WDR93: variants seen among roughly 807,000 people sequenced by gnomAD.
WDR93 encodes WD repeat domain 93.
In WDR93, 73 loss-of-function variants were observed where a neutral mutation model predicts 82.9. The ratio of observed to expected loss-of-function variants is 0.88; its 90% CI spans 0.73 to 1.07. The LOEUF is 1.07. Among genes scored for constraint, WDR93 ranks in the 50% least tolerant of loss-of-function variants. WDR93 has a pLI of 0.00. For synonymous variants in WDR93, 283 were observed against 300.1 expected, an observed-to-expected ratio of 0.94 and a Z score of 0.59; for missense variants, 738 against 826.0, an observed-to-expected ratio of 0.89 and a Z score of 1.31.
At chr15:89,727,552 C>A (rs1016076027) in intron 9 of WDR93, among the ~76,000 whole-genome samples, 2 of 152,120 alleles carry the variant, frequency 1.3e-5, no homozygotes, top group Non-Finnish European at 1.5e-5. Flanking sequence ...ATGTCGAGAC[C>A]TTATCTCTAA....
intron 16 of WDR93, among the ~76,000 whole-genome samples, chr15:89,740,388 A>G (rs948917797): frequency 6.6e-6 from 1 of 152,172 alleles, no homozygotes; most frequent in African/African-American, 2.4e-5. Flanking sequence ...ATATGGTCTC[A>G]TGAGTCTCTG....
intron 6 of WDR93, 42 bp downstream of exon 6, chr15:89,715,137 C>A: frequency 1.9e-6 from 3 of 1,568,364 alleles, no homozygotes; most frequent in Non-Finnish European, 2.6e-6. Flanking sequence ...TTTCTCCCTA[C>A]CCCTGACCCA....
chr15:89,734,012 T>TGTGC (rs1188447668), intron 13 of WDR93, among the ~76,000 whole-genome samples: 4 of 151,624 alleles, frequency 2.6e-5, no homozygotes, highest in African/African-American at 9.7e-5. Flanking sequence ...TGTGTGTGTG[T>TGTGC]GCGCGCGCGC....
chr15:89,723,199 CATAAATAAATAAATAAATAA>C (rs60829285), intron 8 of WDR93, among the ~76,000 whole-genome samples: 1 of 143,588 alleles, frequency 7.0e-6, no homozygotes. Context: ...GAAACCGCGT[CATAAATAAATAAATAAATAA>C]ATAAATAAAT....
chr15:89,723,091 C>G (rs890699656), intron 8 of WDR93, among the ~76,000 whole-genome samples: 2 of 151,922 alleles, frequency 1.3e-5, no homozygotes, highest in African/African-American at 4.8e-5. Context: ...GTCCTGACTA[C>G]TTGGGAGGCT....
At chr15:89,695,117 C>T (rs1360000681) in intron 1 of WDR93, among the ~76,000 whole-genome samples, 1 of 151,584 alleles carries the variant, frequency 6.6e-6, no homozygotes, top group Non-Finnish European at 1.5e-5. Flanking sequence ...TAGTGTTAGT[C>T]CTCCAATTAT....
At chr15:89,730,768 C>T (rs912934435) in intron 11 of WDR93, among the ~76,000 whole-genome samples, 2 of 151,960 alleles carry the variant, frequency 1.3e-5, no homozygotes, top group African/African-American at 4.8e-5. Flanking sequence ...AGCCTGTAGT[C>T]CCAACTACTC....
chr15:89,701,592 A>G (rs1415603009), intron 1 of WDR93, 115 bp from the exon 2 acceptor site: 1 of 868,686 alleles, frequency 1.2e-6, no homozygotes, highest in African/African-American at 1.7e-5. Flanking sequence ...ATTAAGGAAA[A>G]TGCCAGTCTG....
intron 4 of WDR93, among the ~76,000 whole-genome samples, chr15:89,709,956 C>G (rs1161637859): frequency 6.6e-6 from 1 of 151,764 alleles, no homozygotes; most frequent in Non-Finnish European, 1.5e-5. Flanking sequence ...GTCAGTAGAA[C>G]AAGACCATCC....
chr15:89,733,395 A>ATTGTATGAT (rs2141698863), intron 13 of WDR93, among the ~76,000 whole-genome samples, 176 bp downstream of exon 13: 1 of 152,294 alleles, frequency 6.6e-6, no homozygotes, highest in South Asian at 2.1e-4. Context: ...TTTTTCTAAC[A>ATTGTATGAT]AAATTGTATG....
At chr15:89,735,142 G>A (rs1967058545) in intron 13 of WDR93, among the ~76,000 whole-genome samples, 1 of 152,086 alleles carries the variant, frequency 6.6e-6, no homozygotes, top group African/African-American at 2.4e-5. Context: ...AAAGTGCTGG[G>A]ATTACAGGTG....
At chr15:89,691,294 T>C (rs564259572) in intron 1 of WDR93, among the ~76,000 whole-genome samples, 28 of 152,316 alleles carry the variant, frequency 1.8e-4, no homozygotes, top group Admixed American at 1.1e-3. Flanking sequence ...AAAAGAGTCA[T>C]TATGAGCAAA....
Position 89,702,029 on chromosome 15 carries a change from C to G in WDR93, c.283C>G (p.Pro95Ala). The G allele has an allele frequency of 6.2e-7, 1 of 1,609,852 alleles. No individual in the cohort carries two copies. Among genetic ancestry groups the G allele is most frequent in the Non-Finnish European group, 8.5e-7 (1 of 1,177,876 alleles). ...CAGCCAGATCCAGCCCACCGTCTACCCTCCACTTGGAGAAATCCAGGTATG... is the reference window on the plus strand; with the variant it reads ...CAGCCAGATCCAGCCCACCGTCTACGCTCCACTTGGAGAAATCCAGGTATG... ...ESSQIQPTVY[P>A]PLGEIQLNKM... The change falls in exon 2 of 17, where the codon CCT (proline) becomes GCT (alanine). Residue 95 changes from proline to alanine, a missense_variant. Transcript: ENST00000268130.
chr15:89,717,053 T>C (rs1277675228), intron 7 of WDR93, 104 bp downstream of exon 7: 28 of 689,586 alleles, frequency 4.1e-5, no homozygotes, highest in South Asian at 1.6e-4. Context: ...TTCTTTTTTT[T>C]TTTTTTTTTT....
chr15:89,693,983 C>T (rs1375565887), intron 1 of WDR93, among the ~76,000 whole-genome samples: 1 of 152,182 alleles, frequency 6.6e-6, no homozygotes, highest in East Asian at 1.9e-4. Flanking sequence ...AAACTGTTTT[C>T]CAAACCAGTT....
intron 1 of WDR93, among the ~76,000 whole-genome samples, chr15:89,700,522 A>G (rs955509455): frequency 6.6e-6 from 1 of 150,690 alleles, no homozygotes; most frequent in South Asian, 2.1e-4. Flanking sequence ...AAACTGTAAC[A>G]TATGAAAGCC....
At chr15:89,727,429 T>A in intron 9 of WDR93, 101 bp downstream of exon 9, 1 of 1,308,040 alleles carries the variant, frequency 7.6e-7, no homozygotes, top group South Asian at 1.4e-5. Context: ...ATCTGAGATT[T>A]AAAAGCTCTT....
At chr15:89,721,672 G>C (rs1183942413) in intron 7 of WDR93, among the ~76,000 whole-genome samples, 1 of 152,132 alleles carries the variant, frequency 6.6e-6, no homozygotes, top group African/African-American at 2.4e-5. Context: ...GGAATGCAGT[G>C]GCTATTCACA....
rs1481579244 is a variant in WDR93 at position 89,728,977 on chromosome 15, G to T, written c.1053-46G>T. 10 of 1,543,372 alleles carry T rather than the reference G, an allele frequency of 6.5e-6. No homozygotes were observed. The African/African-American group carries it at 1.4e-4, about 21-fold the overall frequency. On this transcript the variant is annotated intron_variant, in intron 9 of 16. Coordinates refer to ENST00000268130, the MANE Select transcript of WDR93 (RefSeq NM_020212.2). ...CAAGACTCTGCCAGCAGCTCTCCTT[G>T]CCAGGGAGTCTACATGGCTCTGACT...
Sources: allele counts gnomAD v4.1 joint callset (sites outside exome capture counted in the v4.1 genomes callset), GRCh38; gene constraint gnomAD v4.1.1; transcripts MANE v1.5; gene names NCBI Gene and HGNC (gene_info 2026-07-23, HGNC 2026-07-21).